Variants in ALPK3 observed in about 807,000 individuals in gnomAD.
ALPK3 encodes the protein alpha-protein kinase 3.
ALPK3 carries 102 observed loss-of-function variants against 140.0 expected under a neutral mutation model. The ratio of observed to expected loss-of-function variants is 0.73; its 90% confidence interval spans 0.62 to 0.86. The LOEUF (loss-of-function observed/expected upper bound fraction) is 0.86. Ranked by LOEUF, ALPK3 falls within the 40% of genes least tolerant of loss-of-function variation. ALPK3 has a pLI of 0.00. For synonymous variants in ALPK3, 938 were observed against 898.5 expected (o/e 1.04, Z -0.79); for missense variants, 2,254 against 2,208.2 (o/e 1.02, Z -0.42).
rs147611382 is a variant in ALPK3, at chr15:84,856,868, G to A, written c.2130G>A (p.Thr710=). The change falls in exon 6 of 14, where the codon ACG becomes ACA. Residue 710 remains threonine, a synonymous_variant. Coordinates refer to ENST00000258888, the MANE Select transcript of ALPK3 (RefSeq NM_020778.5). ...GEKGMQGEKG[T]QSEGSAPTAM... ...AGGGGATGCAGGGAGAGAAGGGGAC[G>A]CAGTCAGAGGGGAGCGCGCCCACAG... 238 of 1,614,022 alleles carry A rather than the reference G, an allele frequency of 1.5e-4. No individual in the cohort carries two copies. Among genetic ancestry groups the A allele is most frequent in the South Asian group, 2.5e-4 (23 of 91,076 alleles).
intron 11 of ALPK3, among the ~76,000 whole-genome samples, chr15:84,863,890 A>G (rs1282078048): frequency 6.6e-6 from 1 of 152,182 alleles, no homozygotes; most frequent in Non-Finnish European, 1.5e-5. Flanking sequence ...TTTAGTGCAG[A>G]TGTTGCTGAT....
chr15:84,857,843 TA>T lies in ALPK3; in HGVS notation c.3106del (p.Thr1036ProfsTer41). The T allele has an allele frequency of 6.2e-7, 1 of 1,611,808 alleles. No individual in the cohort carries two copies. The highest frequency in any genetic ancestry group is 8.5e-7 in the Non-Finnish European group (1 of 1,178,882). On this transcript the variant is annotated frameshift_variant, in exon 6 of 14. Transcript: ENST00000258888. LOFTEE classifies it high-confidence loss of function. ...CACAGACCCTGCTGCTGAGCCCCTG[TA>T]CCTCCCGCCGCCTCACCGGCCTCCT... ...SAQTLLLSPC[T>X]SRRLTGLLDR...
At chr15:84,826,855 C>T (rs368686916) in intron 2 of ALPK3, among the ~76,000 whole-genome samples, 4 of 152,176 alleles carry the variant, frequency 2.6e-5, no homozygotes, top group South Asian at 2.1e-4. Flanking sequence ...AGCCCCATTT[C>T]GGCTGGGTCT....
intron 3 of ALPK3, among the ~76,000 whole-genome samples, chr15:84,834,082 A>C (rs762045997): frequency 6.6e-6 from 1 of 152,038 alleles, no homozygotes; most frequent in Non-Finnish European, 1.5e-5. Context: ...CTGAAACAGG[A>C]CCATGTTCCT....
intron 6 of ALPK3, among the ~76,000 whole-genome samples, chr15:84,858,772 T>C (rs1179348451): frequency 6.6e-6 from 1 of 152,208 alleles, no homozygotes; most frequent in Admixed American, 6.5e-5. Context: ...GTACCGCCTT[T>C]GCAATGGCAT....
Position 84,827,599 on chromosome 15 carries a change from G to A in ALPK3, c.298G>A (p.Val100Ile), listed in dbSNP as rs535488179. The change falls in exon 3 of 14, where the codon GTC becomes ATC. Residue 100 changes from valine (V) to isoleucine (I), a missense_variant. Around this residue, in one of 3 missense-constraint regions of ALPK3, gnomAD observed 2,088 missense variants for 2,022.9 expected, o/e 1.03. Coordinates refer to ENST00000258888, the MANE Select transcript of ALPK3 (RefSeq NM_020778.5). Reference protein sequence around the residue: ...EDSDVRFTCIVTGYPEPEVTW... With the variant: ...EDSDVRFTCIITGYPEPEVTW... Reference sequence around the variant, plus strand: ...CAGCGACGTCAGGTTCACCTGCATCGTCACAGGTAAGGATGCTGTCTGTAT... The same window carrying A: ...CAGCGACGTCAGGTTCACCTGCATCATCACAGGTAAGGATGCTGTCTGTAT... 35 of 1,613,942 alleles carry A rather than the reference G, an allele frequency of 2.2e-5. No homozygotes were observed. The highest frequency in any genetic ancestry group is 5.3e-5 in the African/African-American group (4 of 74,950).
At chr15:84,835,668 G>T (rs1225686533) in intron 3 of ALPK3, among the ~76,000 whole-genome samples, 2 of 152,182 alleles carry the variant, frequency 1.3e-5, no homozygotes, top group East Asian at 3.9e-4. Flanking sequence ...GGAAGTGCAG[G>T]TGACGTTAGA....
Position 84,873,401 on chromosome 15 carries a change from A to G in ALPK3, c.*4945A>G, listed in dbSNP as rs1474235630. On this transcript the variant is annotated 3_prime_UTR_variant, in exon 14 of 14. Transcript: ENST00000258888. ...GCCCTCCTAAAATAGTAATAACAGTATCTGGCGATTTGAGCTTTTACGTAG... is the reference window on the plus strand; with the variant it reads ...GCCCTCCTAAAATAGTAATAACAGTGTCTGGCGATTTGAGCTTTTACGTAG... 1 of 152,204 alleles carries G rather than the reference A, an allele frequency of 6.6e-6. No individual in the cohort carries two copies. The highest frequency in any genetic ancestry group is 1.5e-5 in the Non-Finnish European group (1 of 68,018). 9.4% of individuals were successfully genotyped at this position (152,204 alleles called of 1,614,324 possible). A position where few individuals can be genotyped will look rare whatever the true frequency, so the allele number is the denominator to read the frequency against.
intron 5 of ALPK3, among the ~76,000 whole-genome samples, chr15:84,847,208 G>GAGAGAGA (rs373039929): frequency 0.063 from 7,349 of 116,524 alleles, 542 homozygotes; most frequent in South Asian, 0.078. Flanking sequence ...GGAGAAACGG[G>GAGAGAGA]GAGAGAGAGA....
In ALPK3 at chr15:84,862,865, C is replaced by T. The variant is rs757470914; in HGVS notation, c.4360C>T (p.Pro1454Ser). 1.9e-6 allele frequency: 3 copies of T among 1,614,122 alleles called. No individual in the cohort carries two copies. Among genetic ancestry groups the T allele is most frequent in the East Asian group, 2.2e-5 (1 of 44,872 alleles). ...IKVSSLLVFG[P>S]SSETSLVGRN... ...GGTGTCCAGCCTGCTTGTGTTTGGG[C>T]CCAGCAGTGAGACTTCTCTTGTGGG... Residue 1454 changes from proline (P) to serine (S), a missense_variant, in exon 10 of 14, where the codon CCC becomes TCC. Physicochemically the swap from Pro to Ser is moderately conservative, Grantham distance 74 (BLOSUM62 -1). This residue lies in a region of ALPK3 where 2,088 missense variants were observed against 2,022.9 expected (regional missense o/e 1.03). Transcript: ENST00000258888.
At chr15:84,824,793 A>G (rs1963467077) in intron 2 of ALPK3, among the ~76,000 whole-genome samples, 1 of 152,206 alleles carries the variant, frequency 6.6e-6, no homozygotes, top group Admixed American at 6.5e-5. Context: ...TGGAGTTGGA[A>G]GGACTTGTCA....
At chr15:84,828,217 A>G (rs1400974247) in intron 3 of ALPK3, among the ~76,000 whole-genome samples, 1 of 152,232 alleles carries the variant, frequency 6.6e-6, no homozygotes, top group Non-Finnish European at 1.5e-5. Flanking sequence ...TACCTTATGT[A>G]CAGTAAGTAC....
intron 5 of ALPK3, among the ~76,000 whole-genome samples, chr15:84,855,581 G>T (rs558059654): frequency 1.3e-5 from 2 of 152,290 alleles, no homozygotes; most frequent in South Asian, 4.1e-4. Flanking sequence ...TGGCGTTATG[G>T]TATAACAACA....
chr15:84,859,119 G>A (rs1453796497), intron 6 of ALPK3, 124 bp from the exon 7 acceptor site: 16 of 1,329,562 alleles, frequency 1.2e-5, no homozygotes, highest in Non-Finnish European at 1.6e-5. Context: ...GCTGTGAGTG[G>A]TAGGTCTGTG....
intron 3 of ALPK3, among the ~76,000 whole-genome samples, chr15:84,829,235 T>G (rs1963519792): frequency 6.6e-6 from 1 of 152,248 alleles, no homozygotes; most frequent in African/African-American, 2.4e-5. Flanking sequence ...TGTCTTCCTG[T>G]TATGGTAGAT....
chr15:84,839,922 A>C lies in ALPK3; in HGVS notation c.643A>C (p.Lys215Gln), dbSNP rs1386076956. ...AVPGEVDTLR[K>Q]LSPDRFQRKR... ...GCCTGGGGAGGTCGACACTCTGCGC[A>C]AGCTCAGCCCCGACCGCTTCCAGCG... Residue 215 changes from lysine to glutamine, a missense_variant, in exon 5 of 14, where the codon AAG becomes CAG. Lys to Gln is a moderately conservative substitution (Grantham distance 53). Transcript: ENST00000258888. The C allele has an allele frequency of 1.2e-6, 2 of 1,613,810 alleles. No individual in the cohort carries two copies. The highest frequency in any genetic ancestry group is 1.6e-4 in the Middle Eastern group (1 of 6,080).
At chr15:84,834,849 C>T (rs757322623) in intron 3 of ALPK3, among the ~76,000 whole-genome samples, 4 of 152,250 alleles carry the variant, frequency 2.6e-5, no homozygotes, top group East Asian at 1.9e-4. Flanking sequence ...GTGAAGGACC[C>T]GGAGCCCTCC....
chr15:84,865,696 C>G (rs554624918), intron 12 of ALPK3, among the ~76,000 whole-genome samples: 2 of 152,226 alleles, frequency 1.3e-5, no homozygotes, highest in African/African-American at 4.8e-5. Context: ...CGGAGGCTCA[C>G]GCCTGTAATC....
chr15:84,818,231 G>C (rs1012451524), intron 1 of ALPK3, among the ~76,000 whole-genome samples: 6 of 152,216 alleles, frequency 3.9e-5, no homozygotes, highest in African/African-American at 1.4e-4. Context: ...GCCCTGTCCA[G>C]TTTGGGGAAG....
Sources: gnomAD v4.1 joint callset for allele counts (sites outside exome capture counted in the v4.1 genomes callset) on GRCh38, gnomAD v4.1.1 for gene constraint, gnomAD v4.1.1 regional missense constraint, MANE v1.5 for transcripts, NCBI Gene and HGNC (gene_info 2026-07-23, HGNC 2026-07-21) for gene names.